The following PLS1 variants were observed in gnomAD, a reference collection of about 807,000 sequenced individuals.
The protein encoded by PLS1 is plastin-1.
PLS1 carries 32 observed loss-of-function variants against 73.7 expected under a neutral mutation model. That is an observed-to-expected ratio of 0.43 (90% CI 0.33 to 0.58). The LOEUF (loss-of-function observed/expected upper bound fraction) is 0.58. Ranked by LOEUF, PLS1 falls within the 20% of genes least tolerant of loss-of-function variation. The probability of loss-of-function intolerance (pLI) is 0.04; values close to 1 mark genes in which losing one functional copy is unlikely to be tolerated. For synonymous variants in PLS1, 217 were observed against 261.3 expected, an observed-to-expected ratio of 0.83 and a Z score of 1.63; for missense variants, 633 against 740.5, an observed-to-expected ratio of 0.85 and a Z score of 1.68.
intron 1 of PLS1, among the ~76,000 whole-genome samples, chr3:142,613,467 A>C (rs918542560): frequency 6.6e-6 from 1 of 151,920 alleles, no homozygotes; most frequent in African/African-American, 2.4e-5. Context: ...ACAGAGCAAG[A>C]CTCTGTCTCA....
intron 1 of PLS1, among the ~76,000 whole-genome samples, chr3:142,598,432 C>A (rs2035850456): frequency 6.6e-6 from 1 of 152,102 alleles, no homozygotes; most frequent in Non-Finnish European, 1.5e-5. Flanking sequence ...AAGACAGCAG[C>A]CAAGTCCATT....
chr3:142,669,505 T>G lies in PLS1; in HGVS notation c.186T>G (p.Val62=), dbSNP rs749735589. ...VREIVEKILS[V]ADSNKDGKIS... ...AGATTGTGGAGAAAATTCTATCAGT[T>G]GCTGACAGCAACAAAGATGGCAAAA... Residue 62 remains valine, a synonymous_variant, in exon 3 of 16, where the codon GTT becomes GTG. Coordinates refer to ENST00000457734, the MANE Select transcript of PLS1 (RefSeq NM_001145319.2). 6.2e-7 allele frequency: 1 copy of G among 1,613,710 alleles called. No homozygotes were observed. Among genetic ancestry groups the G allele is most frequent in the East Asian group, 2.2e-5 (1 of 44,860 alleles).
At chr3:142,607,040 A>C (rs1255053129) in intron 1 of PLS1, among the ~76,000 whole-genome samples, 2 of 152,130 alleles carry the variant, frequency 1.3e-5, no homozygotes, top group Non-Finnish European at 2.9e-5. Context: ...ACCATTTTAC[A>C]TTCCTACCGG....
chr3:142,698,290 A>T (rs2038253684), intron 12 of PLS1: 1 of 410,104 alleles, frequency 2.4e-6, no homozygotes, highest in Non-Finnish European at 4.4e-6. Flanking sequence ...TTATCAAGTC[A>T]TAGTACTTAA....
intron 9 of PLS1, among the ~76,000 whole-genome samples, chr3:142,686,828 G>C (rs1402788794): frequency 6.6e-6 from 1 of 152,206 alleles, no homozygotes; most frequent in Non-Finnish European, 1.5e-5. Context: ...TTGTGACCTG[G>C]AGTATTTGTG....
intron 1 of PLS1, among the ~76,000 whole-genome samples, chr3:142,612,864 T>C (rs1270107755): frequency 2.6e-5 from 4 of 152,138 alleles, no homozygotes; most frequent in Non-Finnish European, 4.4e-5. Context: ...TTCTGCCTCC[T>C]GGATGTTCTC....
chr3:142,694,465 C>G lies in PLS1; in HGVS notation c.1178-4C>G, dbSNP rs776617477. On this transcript the variant is annotated splice_region_variant and splice_polypyrimidine_tract_variant and intron_variant, in intron 10 of 15. Coordinates refer to ENST00000457734, the MANE Select transcript of PLS1 (RefSeq NM_001145319.2). ...TCATCAGTGTGAGCTTGTGTCTACT[C>G]TAGGAGAGAGCAAGGAAGAGAGAAC... 18 of 1,586,176 alleles carry G rather than the reference C, an allele frequency of 1.1e-5. No individual in the cohort carries two copies. The highest frequency in any genetic ancestry group is 1.3e-5 in the Non-Finnish European group (15 of 1,155,186).
intron 1 of PLS1, among the ~76,000 whole-genome samples, chr3:142,597,702 T>TGGCC (rs1471124824): frequency 6.6e-6 from 1 of 152,214 alleles, no homozygotes; most frequent in Non-Finnish European, 1.5e-5. Context: ...TGACTTGCTG[T>TGGCC]GGCCACCCAA....
chr3:142,620,477 T>C (rs1215903303), intron 1 of PLS1, among the ~76,000 whole-genome samples: 2 of 152,190 alleles, frequency 1.3e-5, no homozygotes, highest in African/African-American at 2.4e-5. Context: ...ACAGATGATA[T>C]GACAATCTTA....
chr3:142,706,483 G>A (rs1464014387), intron 14 of PLS1, among the ~76,000 whole-genome samples: 1 of 152,104 alleles, frequency 6.6e-6, no homozygotes, highest in Non-Finnish European at 1.5e-5. Flanking sequence ...GAAATAGGAC[G>A]GTTCCTAAGG....
chr3:142,685,480 G>C (rs2037945303), intron 8 of PLS1, among the ~76,000 whole-genome samples: 1 of 152,074 alleles, frequency 6.6e-6, no homozygotes, highest in African/African-American at 2.4e-5. Flanking sequence ...GTTTTGGCTG[G>C]GATTACTAAC....
chr3:142,630,313 C>T (rs543994173), intron 1 of PLS1, among the ~76,000 whole-genome samples: 1 of 150,132 alleles, frequency 6.7e-6, no homozygotes, highest in Non-Finnish European at 1.5e-5. Context: ...ACCAGCTGCT[C>T]AGGGGGCTGA....
chr3:142,618,535 G>A (rs542724456), intron 1 of PLS1, among the ~76,000 whole-genome samples: 2 of 152,276 alleles, frequency 1.3e-5, no homozygotes, highest in Admixed American at 6.5e-5. Context: ...GGGGAGAATC[G>A]TTTTCATGGC....
chr3:142,684,375 A>C lies in PLS1; in HGVS notation c.868A>C (p.Asn290His). Residue 290 changes from asparagine (N) to histidine (H), a missense_variant, in exon 8 of 16, where the codon AAC (asparagine) becomes CAC (histidine). Physicochemically the swap from Asn to His is moderately conservative, Grantham distance 68. Transcript: ENST00000457734. The stretch of plus-strand genomic sequence containing the variant: ...CAATGCAGGATGGCATACCATCAGC[A>C]ACTTCAGCCAAGACATTAAGGTTTA... ...LTNAGWHTIS[N>H]FSQDIKDSRA... 1 of 1,613,744 alleles carries C rather than the reference A, an allele frequency of 6.2e-7. No individual in the cohort carries two copies. The highest frequency in any genetic ancestry group is 8.5e-7 in the Non-Finnish European group (1 of 1,179,694).
At chr3:142,639,061 C>T (rs1055499595) in intron 1 of PLS1, among the ~76,000 whole-genome samples, 14 of 152,058 alleles carry the variant, frequency 9.2e-5, no homozygotes, top group Non-Finnish European at 1.8e-4. Flanking sequence ...TTTATTATAA[C>T]GTAATTTCTA....
intron 14 of PLS1, among the ~76,000 whole-genome samples, chr3:142,707,664 C>T (rs1298526700): frequency 6.6e-6 from 1 of 152,208 alleles, no homozygotes; most frequent in Admixed American, 6.5e-5. Flanking sequence ...GCATACTGCT[C>T]ATTTATTCCA....
At chr3:142,597,029 T>A (rs931076722) in intron 1 of PLS1, among the ~76,000 whole-genome samples, 1 of 152,176 alleles carries the variant, frequency 6.6e-6, no homozygotes, top group Admixed American at 6.6e-5. Context: ...CAAAAAACTT[T>A]CCGTGTTTCA....
chr3:142,661,248 A>G (rs570096361), intron 1 of PLS1, among the ~76,000 whole-genome samples: 6 of 152,350 alleles, frequency 3.9e-5, no homozygotes, highest in East Asian at 1.9e-4. Flanking sequence ...TGAGAATCCA[A>G]TGAAATGAGT....
chr3:142,684,191 T>C lies in PLS1; in HGVS notation c.745+20T>C. The C allele has an allele frequency of 6.2e-7, 1 of 1,613,828 alleles. No individual in the cohort carries two copies. Among genetic ancestry groups the C allele is most frequent in the Non-Finnish European group, 8.5e-7 (1 of 1,179,690 alleles). On this transcript the variant is annotated intron_variant, in intron 7 of 15. Coordinates refer to ENST00000457734, the MANE Select transcript of PLS1 (RefSeq NM_001145319.2). ...ATGAAGGTAAGATCATTAGAAATAT[T>C]TGCTGTTCATTGACATGTACTTGCT... is the stretch of plus-strand genomic sequence containing the variant.
Sources: allele counts gnomAD v4.1 joint callset (sites outside exome capture counted in the v4.1 genomes callset), GRCh38; gene constraint gnomAD v4.1.1; transcripts MANE v1.5; gene names NCBI Gene and HGNC (gene_info 2026-07-23, HGNC 2026-07-21).